The following HS6ST3 variants were observed in gnomAD, a reference collection of about 807,000 sequenced individuals.
HS6ST3 encodes the protein heparan sulfate 6-O-sulfotransferase 3, also known as heparan-sulfate 6-O-sulfotransferase 3.
HS6ST3 carries 12 observed loss-of-function variants against 36.7 expected under a neutral mutation model. The observed-to-expected ratio is 0.33, with a 90% CI of 0.21 to 0.53. HS6ST3 has a LOEUF of 0.53. Among genes scored for constraint, HS6ST3 ranks in the 20% least tolerant of loss-of-function variants. The pLI, the probability that HS6ST3 is intolerant of heterozygous loss-of-function variation, is 0.95. For missense variants in HS6ST3, 584 were observed against 640.9 expected, an observed-to-expected ratio of 0.91 and a Z score of 0.96; for synonymous variants, 240 against 257.5, an observed-to-expected ratio of 0.93 and a Z score of 0.65.
intron 1 of HS6ST3, among the ~76,000 whole-genome samples, chr13:96,746,029 A>G (rs1377938147): frequency 1.3e-5 from 2 of 152,056 alleles, no homozygotes; most frequent in African/African-American, 4.8e-5. Flanking sequence ...CCCCAGAAAT[A>G]TCAGGACTAC....
chr13:96,342,106 TC>T (rs2055133717), intron 1 of HS6ST3, among the ~76,000 whole-genome samples: 1 of 152,138 alleles, frequency 6.6e-6, no homozygotes. Flanking sequence ...TTCATTATTT[TC>T]ATCACAACAA....
At chr13:96,199,390 AAGG>A (rs1421990183) in intron 1 of HS6ST3, among the ~76,000 whole-genome samples, 2 of 152,220 alleles carry the variant, frequency 1.3e-5, no homozygotes, top group East Asian at 3.8e-4. Context: ...TTACTTTAAA[AAGG>A]AGCAACCACA....
intron 1 of HS6ST3, among the ~76,000 whole-genome samples, chr13:96,423,768 A>G (rs1363762178): frequency 6.6e-6 from 1 of 152,044 alleles, no homozygotes; most frequent in Non-Finnish European, 1.5e-5. Flanking sequence ...CCTCTAACGT[A>G]GGTTTTAGAG....
intron 1 of HS6ST3, among the ~76,000 whole-genome samples, chr13:96,641,581 C>T (rs1354441073): frequency 6.6e-6 from 1 of 151,764 alleles, no homozygotes; most frequent in Non-Finnish European, 1.5e-5. Flanking sequence ...TCACTAATGC[C>T]ATGTCCATTA....
intron 1 of HS6ST3, among the ~76,000 whole-genome samples, chr13:96,139,778 T>C (rs551488738): frequency 6.6e-6 from 1 of 152,170 alleles, no homozygotes; most frequent in African/African-American, 2.4e-5. Context: ...GCCTACCTTG[T>C]GTTAGTAGGC....
intron 1 of HS6ST3, among the ~76,000 whole-genome samples, chr13:96,615,014 A>C (rs1006947567): frequency 7.2e-5 from 11 of 152,134 alleles, no homozygotes; most frequent in African/African-American, 2.4e-4. Flanking sequence ...GATTCCATAC[A>C]TTTTTTACAA....
intron 1 of HS6ST3, among the ~76,000 whole-genome samples, chr13:96,281,749 T>A (rs1037914874): frequency 3.3e-5 from 5 of 152,198 alleles, no homozygotes; most frequent in Non-Finnish European, 7.3e-5. Flanking sequence ...GAAGGAGTTA[T>A]GTTGGATACT....
intron 1 of HS6ST3, among the ~76,000 whole-genome samples, chr13:96,285,816 G>A (rs2139396243): frequency 6.6e-6 from 1 of 152,128 alleles, no homozygotes; most frequent in East Asian, 1.9e-4. Flanking sequence ...AGATCCAGGG[G>A]CTTAATCAAG....
At chr13:96,511,177 A>G (rs2056048438) in intron 1 of HS6ST3, among the ~76,000 whole-genome samples, 1 of 152,122 alleles carries the variant, frequency 6.6e-6, no homozygotes, top group Admixed American at 6.6e-5. Flanking sequence ...GGATACCTGG[A>G]TTGTATTAAA....
At chr13:96,106,020 G>A (rs2053839846) in intron 1 of HS6ST3, among the ~76,000 whole-genome samples, 1 of 152,248 alleles carries the variant, frequency 6.6e-6, no homozygotes, top group Non-Finnish European at 1.5e-5. Context: ...TGACTGAAGT[G>A]ATGGGGTGAT....
intron 1 of HS6ST3, among the ~76,000 whole-genome samples, chr13:96,667,904 G>A (rs923606308): frequency 2.0e-5 from 3 of 152,068 alleles, no homozygotes; most frequent in Non-Finnish European, 4.4e-5. Context: ...TGTAAACCCA[G>A]AAGCCACATT....
chr13:96,178,830 C>T (rs1276472602), intron 1 of HS6ST3, among the ~76,000 whole-genome samples: 1 of 152,142 alleles, frequency 6.6e-6, no homozygotes, highest in East Asian at 1.9e-4. Flanking sequence ...CCCCATTGAG[C>T]ACATATCTGA....
At chr13:96,769,091 C>G (rs1924590) in intron 1 of HS6ST3, among the ~76,000 whole-genome samples, 1 of 151,974 alleles carries the variant, frequency 6.6e-6, no homozygotes, top group East Asian at 2.0e-4. Flanking sequence ...CCTAAAACAA[C>G]GCACATGTGC....
chr13:96,507,751 A>G (rs1431832223), intron 1 of HS6ST3, among the ~76,000 whole-genome samples: 3 of 152,122 alleles, frequency 2.0e-5, no homozygotes, highest in African/African-American at 7.2e-5. Flanking sequence ...TGAGCATCCT[A>G]TTCAGGTAGA....
chr13:96,148,587 A>G (rs1362715003), intron 1 of HS6ST3, among the ~76,000 whole-genome samples: 1 of 152,248 alleles, frequency 6.6e-6, no homozygotes, highest in African/African-American at 2.4e-5. Flanking sequence ...AAGACTACCA[A>G]AGAAGTGGAA....
At chr13:96,115,872 AG>A (rs2053891713) in intron 1 of HS6ST3, among the ~76,000 whole-genome samples, 2 of 152,146 alleles carry the variant, frequency 1.3e-5, no homozygotes, top group African/African-American at 4.8e-5. Context: ...ACAGTGTAAA[AG>A]TTTTCCTGTT....
Position 96,091,002 on chromosome 13 carries a change from GCCCGCCCGCCGTCCCGGGT to G in HS6ST3, c.152_170del (p.Val51GlyfsTer75), listed in dbSNP as rs2053759320. 2.3e-6 allele frequency: 3 copies of G among 1,298,204 alleles called. No homozygotes were observed. Among genetic ancestry groups the G allele is most frequent in the Non-Finnish European group, 2.9e-6 (3 of 1,018,282 alleles). 80.4% of individuals were successfully genotyped at this position (1,298,204 alleles called of 1,614,324 possible). ...GAGCAGCCCCGCGCGGGGGAGGCCG[GCCCGCCCGCCGTCCCGGGT>G]CCCGCCCGCCGGGCTCAGGCGCCGC... is the stretch of plus-strand genomic sequence containing the variant. On this transcript the variant is annotated frameshift_variant, in exon 1 of 2. Transcript: ENST00000376705. LOFTEE classifies it high-confidence loss of function.
chr13:96,266,435 C>A (rs1200395010), intron 1 of HS6ST3, among the ~76,000 whole-genome samples: 1 of 152,152 alleles, frequency 6.6e-6, no homozygotes, highest in Non-Finnish European at 1.5e-5. Context: ...ACAGGATAAA[C>A]AGCAAGTTAC....
chr13:96,833,210 C>T lies in HS6ST3; in HGVS notation c.*12C>T. 1.3e-6 allele frequency: 2 copies of T among 1,515,342 alleles called. No individual in the cohort carries two copies. Among genetic ancestry groups the T allele is most frequent in the Non-Finnish European group, 8.8e-7 (1 of 1,139,412 alleles). The allele number at this position is 1,515,342 out of a possible 1,614,324, so 93.9% of individuals were successfully genotyped here. A position where few individuals can be genotyped will look rare whatever the true frequency, so the allele number is the denominator to read the frequency against. On this transcript the variant is annotated 3_prime_UTR_variant, in exon 2 of 2. Transcript: ENST00000376705. ...TGGTGAGATGGTGACCTCCTGCCCT[C>T]TCCTCTCTCAGGAGGGGGAGGGTGA...
Sources: allele counts gnomAD v4.1 joint callset (sites outside exome capture counted in the v4.1 genomes callset), GRCh38; gene constraint gnomAD v4.1.1; transcripts MANE v1.5; gene names NCBI Gene and HGNC (gene_info 2026-07-23, HGNC 2026-07-21).